The following CFAP54 variants were observed in gnomAD, a reference collection of about 807,000 sequenced individuals.
CFAP54 encodes cilia and flagella associated protein 54.
In CFAP54, 290 loss-of-function variants were observed where a neutral mutation model predicts 370.4. The observed-to-expected ratio is 0.78, with a 90% confidence interval of 0.71 to 0.86. The LOEUF is 0.86. Among genes scored for constraint, CFAP54 ranks in the 40% least tolerant of loss-of-function variants. CFAP54 has a pLI of 0.00. For missense variants in CFAP54, 3,399 were observed against 3,528.7 expected (o/e 0.96, Z 0.93); for synonymous variants, 1,206 against 1,236.5 (o/e 0.98, Z 0.52).
In CFAP54 at chr12:96,644,385, T is replaced by C; in HGVS notation, c.4524T>C (p.Phe1508=). The C allele has an allele frequency of 1.3e-6, 2 of 1,535,378 alleles. No individual in the cohort carries two copies. The highest frequency in any genetic ancestry group is 1.2e-5 in the South Asian group (1 of 84,048). ...TATGGGAGTGTACGAAGATGAAATT[T>C]GGCACATCACATATGATGGTCAGGT... ...QKLWECTKMK[F]GTSHMMVSFR... is the part of the protein sequence containing the mutation. Residue 1508 remains phenylalanine (F), a synonymous_variant, in exon 33 of 68, where the codon TTT becomes TTC. Transcript: ENST00000524981.
chr12:96,601,132 T>C (rs1486279288), intron 26 of CFAP54, among the ~76,000 whole-genome samples: 1 of 152,234 alleles, frequency 6.6e-6, no homozygotes, highest in East Asian at 1.9e-4. Flanking sequence ...ATACATTTTA[T>C]CAATATCTAG....
At chr12:96,645,943 A>G (rs1269645419) in intron 33 of CFAP54, 3 of 152,232 alleles carry the variant, frequency 2.0e-5, no homozygotes, top group Non-Finnish European at 4.4e-5. Context: ...TTATACAAAA[A>G]TTAATTCAAG....
chr12:96,535,660 T>G (rs1180699470), intron 12 of CFAP54, 60 bp downstream of exon 12: 2 of 1,087,296 alleles, frequency 1.8e-6, no homozygotes, highest in Non-Finnish European at 1.3e-6. Context: ...GTGCCTAACT[T>G]AAGGCCGAAT....
chr12:96,720,574 C>G lies in CFAP54; in HGVS notation c.6965+9C>G. 3.4e-6 allele frequency: 5 copies of G among 1,492,364 alleles called. No homozygotes were observed. Among genetic ancestry groups the G allele is most frequent in the Non-Finnish European group, 4.5e-6 (5 of 1,114,702 alleles). The allele number at this position is 1,492,364 out of a possible 1,614,324, so 92.4% of individuals were successfully genotyped here. A position where few individuals can be genotyped will look rare whatever the true frequency, so the allele number is the denominator to read the frequency against. On this transcript the variant is annotated intron_variant, in intron 50 of 67. Coordinates refer to ENST00000524981, the MANE Select transcript of CFAP54 (RefSeq NM_001306084.2). ...CACCGGGCGGCATACAGGTGCGTCT[C>G]TCCATGCACAGGGGAGGGATACCTT...
chr12:96,504,118 G>A, intron 3 of CFAP54, 89 bp downstream of exon 3: 1 of 1,230,742 alleles, frequency 8.1e-7, no homozygotes, highest in Non-Finnish European at 1.1e-6. Context: ...TGTCTTGTTG[G>A]CTTAGCATAG....
chr12:96,701,276 T>C (rs1043545665), intron 46 of CFAP54, among the ~76,000 whole-genome samples: 1 of 152,152 alleles, frequency 6.6e-6, no homozygotes, highest in African/African-American at 2.4e-5. Flanking sequence ...TCATTTTCTG[T>C]GGCATAAATT....
chr12:96,863,153 TTGGATGGATGGATGGA>T (rs10537908), intron 67 of CFAP54, among the ~76,000 whole-genome samples: 7 of 148,242 alleles, frequency 4.7e-5, no homozygotes, highest in East Asian at 2.0e-4. Context: ...TCTATATTTG[TTGGATGGATGGATGGA>T]TGGATGGATG....
At chr12:96,684,492 A>G (rs1323511148) in intron 40 of CFAP54, among the ~76,000 whole-genome samples, 156 bp from the exon 41 acceptor site, 2 of 152,204 alleles carry the variant, frequency 1.3e-5, no homozygotes, top group Non-Finnish European at 2.9e-5. Flanking sequence ...CTCTTTGTAT[A>G]TATATCGTGT....
intron 42 of CFAP54, among the ~76,000 whole-genome samples, chr12:96,686,632 T>C (rs1046531262): frequency 4.6e-5 from 7 of 152,102 alleles, no homozygotes; most frequent in African/African-American, 9.7e-5. Flanking sequence ...AACAACCAGA[T>C]GTGATGTGAA....
rs112106993 is a variant in CFAP54, at chr12:96,706,733, A to G, written c.6529-1875A>G. ...TGTTCTGATGCTGTCAATCAAATAC[A>G]TCAGTCAACCATAATACAAATTCCC... On this transcript the variant is annotated intron_variant, in intron 47 of 67. Transcript: ENST00000524981. 5.6e-3 allele frequency among the ~76,000 whole-genome samples: 858 copies of G among 152,158 alleles called. 7 individuals carry two copies. Among genetic ancestry groups the G allele is most frequent in the African/African-American group, 0.019 (796 of 41,506 alleles).
chr12:96,790,351 AT>A (rs1487180108), intron 62 of CFAP54, among the ~76,000 whole-genome samples: 1 of 152,026 alleles, frequency 6.6e-6, no homozygotes, highest in East Asian at 1.9e-4. Context: ...AAAAAAAAAA[AT>A]AGAATAAAAG....
At chr12:96,709,330 C>T (rs1461567244) in intron 48 of CFAP54, among the ~76,000 whole-genome samples, 1 of 152,202 alleles carries the variant, frequency 6.6e-6, no homozygotes, top group East Asian at 1.9e-4. Context: ...GTGCAACATA[C>T]CCAGATGACA....
intron 46 of CFAP54, among the ~76,000 whole-genome samples, chr12:96,702,037 C>T (rs776517351): frequency 1.4e-4 from 21 of 151,830 alleles, no homozygotes; most frequent in Admixed American, 5.3e-4. Context: ...ATGATTGTGC[C>T]GAAGGGAGTG....
chr12:96,503,494 C>T (rs1375515962), intron 2 of CFAP54, among the ~76,000 whole-genome samples: 1 of 130,314 alleles, frequency 7.7e-6, no homozygotes, highest in Non-Finnish European at 1.6e-5. Flanking sequence ...TTTTCTTTTT[C>T]GAGCCTATGA....
chr12:96,778,290 G>A (rs1486225936), intron 60 of CFAP54, among the ~76,000 whole-genome samples: 1 of 152,116 alleles, frequency 6.6e-6, no homozygotes, highest in African/African-American at 2.4e-5. Context: ...TTAGTCTCTA[G>A]GTTTTTGTGT....
intron 6 of CFAP54, among the ~76,000 whole-genome samples, chr12:96,521,246 A>T (rs1322457802): frequency 6.6e-6 from 1 of 152,222 alleles, no homozygotes; most frequent in East Asian, 1.9e-4. Context: ...AACTCTTGTT[A>T]TTGAGTTCTT....
chr12:96,689,503 CAGA>C (rs765413563), intron 43 of CFAP54, among the ~76,000 whole-genome samples: 4 of 152,124 alleles, frequency 2.6e-5, no homozygotes, highest in South Asian at 2.1e-4. Context: ...CTTTACACTG[CAGA>C]AGAAGGAGTT....
intron 22 of CFAP54, among the ~76,000 whole-genome samples, chr12:96,587,114 A>C (rs1026616823): frequency 3.9e-5 from 6 of 152,014 alleles, no homozygotes; most frequent in Non-Finnish European, 8.8e-5. Flanking sequence ...GGTTCGGGGG[A>C]GTGGGAGATC....
At chr12:96,634,890 A>T (rs540436203) in intron 32 of CFAP54, among the ~76,000 whole-genome samples, 8 of 152,314 alleles carry the variant, frequency 5.3e-5, no homozygotes, top group African/African-American at 1.7e-4. Context: ...TCAGCTGGAC[A>T]TATTTGTGCA....
Sources: allele counts gnomAD v4.1 joint callset (sites outside exome capture counted in the v4.1 genomes callset), GRCh38; gene constraint gnomAD v4.1.1; transcripts MANE v1.5; gene names NCBI Gene and HGNC (gene_info 2026-07-23, HGNC 2026-07-21).